Variants in GRAMD1B observed in about 807,000 individuals in gnomAD.
GRAMD1B encodes protein Aster-B.
In GRAMD1B, 37 loss-of-function variants were observed where a neutral mutation model predicts 99.7. That is an observed-to-expected ratio of 0.37 (90% CI 0.29 to 0.49). The LOEUF (loss-of-function observed/expected upper bound fraction) is 0.49, where lower values mean the gene tolerates loss of function less well. GRAMD1B is among the 20% of genes least tolerant of loss of function. The pLI, the probability that GRAMD1B is intolerant of heterozygous loss-of-function variation, is 0.98. For synonymous variants in GRAMD1B, 427 were observed against 387.6 expected, an observed-to-expected ratio of 1.10 and a Z score of -1.19; for missense variants, 888 against 1,009.2, an observed-to-expected ratio of 0.88 and a Z score of 1.63.
chr11:123,512,132 A>T (rs2135309674), intron 2 of GRAMD1B, among the ~76,000 whole-genome samples: 1 of 152,186 alleles, frequency 6.6e-6, no homozygotes, highest in South Asian at 2.1e-4. Context: ...GGTGGTGCAA[A>T]GTGCTTGTAC....
chr11:123,496,335 A>G (rs1357990350), intron 2 of GRAMD1B, among the ~76,000 whole-genome samples: 3 of 151,902 alleles, frequency 2.0e-5, no homozygotes, highest in East Asian at 3.9e-4. Context: ...TGCCAGATGT[A>G]TTGGAGTTCA....
At chr11:123,449,525 G>A (rs999463839) in intron 1 of GRAMD1B, among the ~76,000 whole-genome samples, 17 of 152,052 alleles carry the variant, frequency 1.1e-4, no homozygotes, top group Admixed American at 7.9e-4. Flanking sequence ...TAACCTGTTG[G>A]TTTCTGTTCT....
At chr11:123,377,489 C>T (rs1946727838) in intron 1 of GRAMD1B, among the ~76,000 whole-genome samples, 1 of 152,132 alleles carries the variant, frequency 6.6e-6, no homozygotes, top group African/African-American at 2.4e-5. Flanking sequence ...GTAGTAACAT[C>T]ACCAAGGAAG....
At chr11:123,613,032 T>C in intron 15 of GRAMD1B, 168 bp downstream of exon 15, 1 of 598,972 alleles carries the variant, frequency 1.7e-6, no homozygotes, top group Admixed American at 3.0e-5. Context: ...AAATTTGGCA[T>C]GTATGTGGAC....
intron 2 of GRAMD1B, among the ~76,000 whole-genome samples, chr11:123,523,443 A>C (rs1942389695): frequency 6.6e-6 from 1 of 152,224 alleles, no homozygotes; most frequent in African/African-American, 2.4e-5. Flanking sequence ...CAGAGAATAC[A>C]GGCAAAATGC....
intron 7 of GRAMD1B, chr11:123,599,306 C>T: frequency 4.2e-6 from 3 of 717,202 alleles, no homozygotes; most frequent in Non-Finnish European, 7.9e-6. Context: ...CCTCCATATA[C>T]CTATCTTGCG....
intron 7 of GRAMD1B, chr11:123,598,078 G>A (rs1190935029): frequency 1.3e-6 from 2 of 1,554,732 alleles, no homozygotes; most frequent in Non-Finnish European, 1.8e-6. Context: ...TGGCCCACAA[G>A]GAGACAGCAT....
intron 1 of GRAMD1B, among the ~76,000 whole-genome samples, chr11:123,443,597 G>T (rs1949508921): frequency 6.6e-6 from 1 of 150,704 alleles, no homozygotes; most frequent in Non-Finnish European, 1.5e-5. Context: ...ATGGAGTCTT[G>T]CTCTGTCACC....
intron 2 of GRAMD1B, among the ~76,000 whole-genome samples, chr11:123,499,877 T>C (rs1482057483): frequency 6.6e-6 from 1 of 152,222 alleles, no homozygotes; most frequent in Non-Finnish European, 1.5e-5. Flanking sequence ...CTTTTGAAAC[T>C]CCACTACACG....
At chr11:123,616,228 A>C (rs1472154033) in intron 17 of GRAMD1B, among the ~76,000 whole-genome samples, 3 of 152,194 alleles carry the variant, frequency 2.0e-5, no homozygotes, top group Admixed American at 6.5e-5. Flanking sequence ...AGGCTGAGGC[A>C]GGAGAATGGC....
In GRAMD1B at chr11:123,369,519, C is replaced by T. The variant is rs1046553862; in HGVS notation, c.-176+10720C>T. Among the ~76,000 whole-genome samples, 22 of 152,092 alleles carry T rather than the reference C, an allele frequency of 1.4e-4. No individual in the cohort carries two copies. The South Asian group carries it at 3.5e-3, about 24-fold the overall frequency. ...TGAAAGGGAACCAATATTCATGGTC[C>T]GCCAAGCACTGGGGCTAGGTATTTT... On this transcript the variant is annotated intron_variant, in intron 1 of 20. Coordinates refer to the GRAMD1B transcript ENST00000638157.
chr11:123,426,608 T>A (rs1453296762), upstream of GRAMD1B, among the ~76,000 whole-genome samples: 1 of 152,152 alleles, frequency 6.6e-6, no homozygotes, highest in Non-Finnish European at 1.5e-5. Context: ...GCCGTTCGAA[T>A]GTTGTGTAGG....
intron 2 of GRAMD1B, among the ~76,000 whole-genome samples, chr11:123,507,027 A>G (rs1468371315): frequency 6.6e-6 from 1 of 152,192 alleles, no homozygotes; most frequent in Non-Finnish European, 1.5e-5. Context: ...TTAAAAACTG[A>G]GTCGGTAGAT....
intron 3 of GRAMD1B, among the ~76,000 whole-genome samples, chr11:123,579,097 G>T (rs1320809847): frequency 6.6e-6 from 1 of 152,226 alleles, no homozygotes; most frequent in Non-Finnish European, 1.5e-5. Context: ...GGGTGCCCAT[G>T]CCTGGAGGTT....
At chr11:123,458,834 AT>A (rs1271966601) in intron 1 of GRAMD1B, 12 of 152,072 alleles carry the variant, frequency 7.9e-5, no homozygotes, top group African/African-American at 2.9e-4. Flanking sequence ...TTATTTTCAA[AT>A]TTCAAGTCTG....
chr11:123,462,891 T>TAAAAA (rs1022451957), intron 1 of GRAMD1B, among the ~76,000 whole-genome samples: 11 of 111,418 alleles, frequency 9.9e-5, no homozygotes, highest in South Asian at 2.5e-4. Context: ...AAAAATAAAT[T>TAAAAA]AAAAAAAAAA....
chr11:123,475,153 G>T (rs562534046), intron 1 of GRAMD1B, among the ~76,000 whole-genome samples: 3 of 152,290 alleles, frequency 2.0e-5, no homozygotes, highest in East Asian at 3.9e-4. Context: ...TGTACTTTCT[G>T]CACGTGTCCT....
intron 2 of GRAMD1B, among the ~76,000 whole-genome samples, chr11:123,488,766 G>A (rs61259665): frequency 0.014 from 2,065 of 152,224 alleles, 48 homozygotes; most frequent in African/African-American, 0.046. Context: ...TACCCTAGAA[G>A]TGTATCTCAT....
At chr11:123,498,145 T>C (rs956342499) in intron 2 of GRAMD1B, among the ~76,000 whole-genome samples, 1 of 152,212 alleles carries the variant, frequency 6.6e-6, no homozygotes, top group African/African-American at 2.4e-5. Context: ...AGCTCCCCTC[T>C]GGTCCAGAGC....
Sources: gnomAD v4.1 joint callset for allele counts (sites outside exome capture counted in the v4.1 genomes callset) on GRCh38, gnomAD v4.1.1 for gene constraint, MANE v1.5 for transcripts, NCBI Gene and HGNC (gene_info 2026-07-23, HGNC 2026-07-21) for gene names.